Variants in PICK1 observed in about 807,000 individuals in gnomAD.
PICK1 encodes protein interacting with PRKCA 1.
A neutral mutation model predicts 48.9 loss-of-function variants in PICK1; 23 were observed. The observed-to-expected ratio is 0.47, with a 90% CI of 0.34 to 0.67. The LOEUF is 0.67. Ranked by LOEUF, PICK1 falls within the 30% of genes least tolerant of loss-of-function variation. The probability of loss-of-function intolerance (pLI) is 0.01; values close to 1 mark genes in which losing one functional copy is unlikely to be tolerated. For synonymous variants in PICK1, 217 were observed against 228.2 expected (o/e 0.95, Z 0.44); for missense variants, 423 against 557.1 (o/e 0.76, Z 2.42).
upstream of PICK1, chr22:38,057,311 G>A (rs1462458272): frequency 1.7e-5 from 3 of 180,808 alleles, no homozygotes; most frequent in Non-Finnish European, 2.4e-5. Context: ...CGAGCGTCCC[G>A]GGAGCCGGGA....
At chr22:38,060,644 GC>G (rs1415228886) in intron 3 of PICK1, among the ~76,000 whole-genome samples, 1 of 152,144 alleles carries the variant, frequency 6.6e-6, no homozygotes, top group Non-Finnish European at 1.5e-5. Flanking sequence ...CCTCCCCCAG[GC>G]CTGGCCTCCT....
Position 38,075,305 on chromosome 22 carries a change from C to G in PICK1, c.*173C>G. On this transcript the variant is annotated 3_prime_UTR_variant, in exon 13 of 13. Coordinates refer to ENST00000356976, the MANE Select transcript of PICK1 (RefSeq NM_012407.4). Reference sequence around the variant, plus strand: ...CCTGGGCTCCTGCCCAGGACAGGCACCAGGGTCATGGCCTGGGACCTGGAC... The same window carrying G: ...CCTGGGCTCCTGCCCAGGACAGGCAGCAGGGTCATGGCCTGGGACCTGGAC... 1 of 647,358 alleles carries G rather than the reference C, an allele frequency of 1.5e-6. No homozygotes were observed. The highest frequency in any genetic ancestry group is 2.6e-6 in the Non-Finnish European group (1 of 382,132). The allele number at this position is 647,358 out of a possible 1,614,324, so 40.1% of individuals were successfully genotyped here. A position where few individuals can be genotyped will look rare whatever the true frequency, so the allele number is the denominator to read the frequency against.
At chr22:38,068,680 GAC>G (rs2085594826) in intron 5 of PICK1, among the ~76,000 whole-genome samples, 1 of 152,156 alleles carries the variant, frequency 6.6e-6, no homozygotes, top group Non-Finnish European at 1.5e-5. Flanking sequence ...CCCTTTATGT[GAC>G]ACCCTAGGTC....
At chr22:38,065,451 C>T (rs1342773559) in intron 4 of PICK1, among the ~76,000 whole-genome samples, 1 of 152,182 alleles carries the variant, frequency 6.6e-6, no homozygotes, top group Non-Finnish European at 1.5e-5. Context: ...CAGTCAGTGC[C>T]AGAGCTGAAG....
At chr22:38,060,584 C>T (rs1314243708) in intron 3 of PICK1, among the ~76,000 whole-genome samples, 2 of 152,116 alleles carry the variant, frequency 1.3e-5, no homozygotes, top group African/African-American at 4.8e-5. Context: ...ACAGTGCTGC[C>T]TCCTTCATGA....
chr22:38,071,327 G>A (rs1446764800), intron 7 of PICK1, among the ~76,000 whole-genome samples: 1 of 152,168 alleles, frequency 6.6e-6, no homozygotes, highest in Non-Finnish European at 1.5e-5. Flanking sequence ...CTGGGCAATA[G>A]AGCAAGACCC....
chr22:38,070,767 C>T (rs2085659182), intron 6 of PICK1, 71 bp from the exon 7 acceptor site: 11 of 1,393,992 alleles, frequency 7.9e-6, no homozygotes, highest in Admixed American at 3.4e-5. Context: ...CTCTCCCCTC[C>T]CCAGCATGGC....
In PICK1 at chr22:38,074,613, G is replaced by C. The variant is rs2085788998; in HGVS notation, c.979+162G>C. On this transcript the variant is annotated intron_variant, in intron 12 of 12. Transcript: ENST00000356976. This position sits in a 1 kb window ranked among gnomAD's most constrained non-coding sequence, Gnocchi z 4.5. ...GCCTGGGTGGAGCTGGCCTGTGCGC[G>C]TGGGCTCCGTGGGCTGCCATCCATG... Among the ~76,000 whole-genome samples, 2 of 152,214 alleles carry C rather than the reference G, an allele frequency of 1.3e-5. No homozygotes were observed. The highest frequency in any genetic ancestry group is 2.1e-4 in the South Asian group (1 of 4,836).
chr22:38,062,326 C>A (rs2085422882), intron 3 of PICK1, among the ~76,000 whole-genome samples: 1 of 150,722 alleles, frequency 6.6e-6, no homozygotes, highest in Non-Finnish European at 1.5e-5. Flanking sequence ...TGGCTCACTG[C>A]AACCTCCAGC....
intron 2 of PICK1, 54 bp from the exon 3 acceptor site, chr22:38,059,180 C>A: frequency 1.5e-6 from 2 of 1,357,560 alleles, no homozygotes; most frequent in East Asian, 2.5e-5. Flanking sequence ...AGGGCCCACC[C>A]GCTCCAGTCA....
intron 3 of PICK1, among the ~76,000 whole-genome samples, chr22:38,059,851 C>T (rs1467008164): frequency 6.6e-6 from 1 of 152,210 alleles, no homozygotes; most frequent in African/African-American, 2.4e-5. Flanking sequence ...GGATTTAAAA[C>T]ATGTAGACAC....
intron 6 of PICK1, 59 bp downstream of exon 6, chr22:38,069,181 G>A (rs566149092): frequency 7.9e-7 from 1 of 1,268,782 alleles, no homozygotes; most frequent in Non-Finnish European, 1.1e-6. Flanking sequence ...TGAGAAGAGT[G>A]GGGGGCACCA....
chr22:38,073,199 C>T lies in PICK1; in HGVS notation c.783+107C>T. ...CAGCGAGGCCAGCCAGAGCTGACAGCATGTCTGCTCCAGGTGTGGGCCCAG... is the reference window on the plus strand; with the variant it reads ...CAGCGAGGCCAGCCAGAGCTGACAGTATGTCTGCTCCAGGTGTGGGCCCAG... On this transcript the variant is annotated intron_variant, in intron 10 of 12. Coordinates refer to ENST00000356976, the MANE Select transcript of PICK1 (RefSeq NM_012407.4). This position sits in a 1 kb window ranked among gnomAD's most constrained non-coding sequence, Gnocchi z 5.7. The T allele has an allele frequency of 1.3e-6, 1 of 792,826 alleles. No individual in the cohort carries two copies. Among genetic ancestry groups the T allele is most frequent in the Non-Finnish European group, 2.2e-6 (1 of 445,968 alleles). 49.1% of individuals were successfully genotyped at this position (792,826 alleles called of 1,614,324 possible).
chr22:38,069,876 T>C (rs142121849), intron 6 of PICK1, among the ~76,000 whole-genome samples: 1 of 152,312 alleles, frequency 6.6e-6, no homozygotes, highest in East Asian at 1.9e-4. Context: ...TTGTTGTGTT[T>C]TTCCCCCCAA....
intron 3 of PICK1, 105 bp from the exon 4 acceptor site, chr22:38,064,897 C>A: frequency 7.4e-7 from 1 of 1,356,680 alleles, no homozygotes; most frequent in South Asian, 1.2e-5. Context: ...AAAACGAGAG[C>A]AGAGGGTAGA....
In PICK1 at chr22:38,066,466, G is replaced by T. The variant is rs541126814; in HGVS notation, c.283-1238G>T. On this transcript the variant is annotated intron_variant, in intron 4 of 12. Transcript: ENST00000356976. This position sits in a 1 kb window ranked among gnomAD's most constrained non-coding sequence, Gnocchi z 4.1. ...TTGTATTTGCACACAGCCATGACAGGGATGCAGCATTGGCCCAGCTCCCCT... is the reference window on the plus strand; with the variant it reads ...TTGTATTTGCACACAGCCATGACAGTGATGCAGCATTGGCCCAGCTCCCCT... Among the ~76,000 whole-genome samples the T allele has an allele frequency of 6.6e-6, 1 of 152,328 alleles. No homozygotes were observed. The highest frequency in any genetic ancestry group is 1.5e-5 in the Non-Finnish European group (1 of 68,030).
rs769607762 is a variant in PICK1, at chr22:38,074,262, C to T, written c.835-45C>T. The T allele has an allele frequency of 1.9e-6, 3 of 1,608,858 alleles. No individual in the cohort carries two copies. Among genetic ancestry groups the T allele is most frequent in the East Asian group, 2.2e-5 (1 of 44,818 alleles). On this transcript the variant is annotated intron_variant, in intron 11 of 12. Coordinates refer to ENST00000356976, the MANE Select transcript of PICK1 (RefSeq NM_012407.4). The surrounding 1 kb of genome is among the most constrained non-coding windows in gnomAD (Gnocchi z 4.5). ...GTGGCTTTGAAAGCACAGTGCGGTG[C>T]GAGGCCGTCCCTGAGCAGGCACTCC...
In PICK1 at chr22:38,073,307, G is replaced by A. The variant is rs2085748582; in HGVS notation, c.783+215G>A. ...GCCTGGGGCGGGCATGGCTCTCGCT[G>A]TGTGCACTCTGACCCCTTGGGATTT... On this transcript the variant is annotated intron_variant, in intron 10 of 12. Transcript: ENST00000356976. The surrounding 1 kb of genome is among the most constrained non-coding windows in gnomAD (Gnocchi z 5.7). Among the ~76,000 whole-genome samples the A allele has an allele frequency of 6.6e-6, 1 of 152,256 alleles. No homozygotes were observed. The highest frequency in any genetic ancestry group is 1.5e-5 in the Non-Finnish European group (1 of 68,046).
intron 2 of PICK1, among the ~76,000 whole-genome samples, chr22:38,058,904 G>A (rs750773140): frequency 2.6e-5 from 4 of 152,188 alleles, no homozygotes; most frequent in Non-Finnish European, 1.5e-5. Context: ...CTACTTGGGC[G>A]ACTGAGGCAG....
Sources: gnomAD v4.1 joint callset for allele counts (sites outside exome capture counted in the v4.1 genomes callset) on GRCh38, gnomAD v4.1.1 for gene constraint, Gnocchi (gnomAD v3.1) non-coding constraint, MANE v1.5 for transcripts, NCBI Gene and HGNC (gene_info 2026-07-23, HGNC 2026-07-21) for gene names.